The following MEF2A variants were observed in gnomAD, a reference collection of about 807,000 sequenced individuals.
The protein encoded by MEF2A is myocyte enhancer factor 2A, also known as myocyte-specific enhancer factor 2A.
A neutral mutation model predicts 55.8 loss-of-function variants in MEF2A; 28 were observed. The ratio of observed to expected loss-of-function variants is 0.50; its 90% confidence interval spans 0.37 to 0.69. The LOEUF is 0.69. Ranked by LOEUF, MEF2A falls within the 30% of genes least tolerant of loss-of-function variation. The pLI is 0.00. For synonymous variants in MEF2A, 239 were observed against 227.1 expected (o/e 1.05, Z -0.47); for missense variants, 528 against 626.2 (o/e 0.84, Z 1.67).
intron 3 of MEF2A, among the ~76,000 whole-genome samples, chr15:99,641,243 A>C (rs2044864371): frequency 6.6e-6 from 1 of 152,174 alleles, no homozygotes; most frequent in Admixed American, 6.5e-5. Context: ...GCCAGAGGTT[A>C]GTCAGTTTCT....
chr15:99,712,918 TGTGTATGTGTGG>T lies in MEF2A; in HGVS notation c.*152_*163del. ...ACATATATATGTATGTGGGTGTGAG[TGTGTATGTGTGG>T]GTGTGTGTTACATACACAGAATCAG... On this transcript the variant is annotated 3_prime_UTR_variant, in exon 12 of 12. Coordinates refer to ENST00000557942, the MANE Select transcript of MEF2A (RefSeq NM_001319206.4). This position sits in a 1 kb window ranked among gnomAD's most constrained non-coding sequence, Gnocchi z 4.1. The T allele has an allele frequency of 1.1e-6, 1 of 938,292 alleles. No individual in the cohort carries two copies. Among genetic ancestry groups the T allele is most frequent in the Non-Finnish European group, 1.6e-6 (1 of 637,202 alleles). 58.1% of individuals were successfully genotyped at this position (938,292 alleles called of 1,614,324 possible). A position where few individuals can be genotyped will look rare whatever the true frequency, so the allele number is the denominator to read the frequency against.
Position 99,633,043 on chromosome 15 carries a change from T to C in MEF2A, c.-77T>C. On this transcript the variant is annotated 5_prime_UTR_variant, in exon 3 of 12. An upstream start codon of the reference 5' UTR is lost. Transcript: ENST00000557942. Reference sequence around the variant, plus strand: ...CTGAAATAACAGAAGCTGTGTACGATGCATTAGGGTATTGAAGAAAATTAA... The same window carrying C: ...CTGAAATAACAGAAGCTGTGTACGACGCATTAGGGTATTGAAGAAAATTAA... 2 of 1,185,296 alleles carry C rather than the reference T, an allele frequency of 1.7e-6. No homozygotes were observed. The highest frequency in any genetic ancestry group is 1.2e-6 in the Non-Finnish European group (1 of 821,430). 73.4% of individuals were successfully genotyped at this position (1,185,296 alleles called of 1,614,324 possible). A position where few individuals can be genotyped will look rare whatever the true frequency, so the allele number is the denominator to read the frequency against.
intron 1 of MEF2A, among the ~76,000 whole-genome samples, chr15:99,583,984 A>T (rs1417613495): frequency 6.6e-6 from 1 of 152,174 alleles, no homozygotes; most frequent in Non-Finnish European, 1.5e-5. Flanking sequence ...TATTTGGTAT[A>T]GCCTATTGCT....
chr15:99,569,851 T>A (rs1012908283), intron 1 of MEF2A, among the ~76,000 whole-genome samples: 4 of 152,050 alleles, frequency 2.6e-5, no homozygotes, highest in Non-Finnish European at 5.9e-5. Context: ...AATTAATGAT[T>A]TTCTCGTGTA....
chr15:99,634,527 G>A (rs778554682), intron 3 of MEF2A, among the ~76,000 whole-genome samples: 32 of 152,024 alleles, frequency 2.1e-4, no homozygotes, highest in Admixed American at 3.3e-4. Context: ...GGTTTATTGG[G>A]GAATAACATA....
chr15:99,666,265 A>G (rs550260832), intron 4 of MEF2A, among the ~76,000 whole-genome samples: 1 of 152,324 alleles, frequency 6.6e-6, no homozygotes, highest in South Asian at 2.1e-4. Flanking sequence ...CCATAAAAAA[A>G]AGAATGAGTT....
intron 1 of MEF2A, among the ~76,000 whole-genome samples, chr15:99,593,371 T>G (rs534637958): frequency 6.6e-6 from 1 of 152,316 alleles, no homozygotes; most frequent in East Asian, 1.9e-4. Context: ...TTGTCTGATG[T>G]TTTAAAATTG....
intron 10 of MEF2A, among the ~76,000 whole-genome samples, chr15:99,709,837 G>T (rs1343233212): frequency 2.0e-5 from 3 of 152,170 alleles, no homozygotes; most frequent in Non-Finnish European, 4.4e-5. Flanking sequence ...TCATGAAGTT[G>T]AAACTCTTGC....
intron 10 of MEF2A, among the ~76,000 whole-genome samples, chr15:99,710,160 T>C (rs1168060917): frequency 6.6e-6 from 1 of 152,264 alleles, no homozygotes; most frequent in Admixed American, 6.5e-5. Context: ...CCTGTAAATC[T>C]TCCAAGAAAA....
intron 1 of MEF2A, among the ~76,000 whole-genome samples, chr15:99,596,808 A>G (rs550383225): frequency 6.6e-6 from 1 of 152,316 alleles, no homozygotes; most frequent in Admixed American, 6.5e-5. Flanking sequence ...TGTGCACCTA[A>G]TCCATTGAGC....
intron 8 of MEF2A, among the ~76,000 whole-genome samples, chr15:99,702,574 C>T (rs893689855): frequency 6.6e-6 from 1 of 151,866 alleles, no homozygotes; most frequent in Non-Finnish European, 1.5e-5. Flanking sequence ...ATTATAGGCA[C>T]CTGCCACCGC....
At chr15:99,646,884 T>G (rs190552468) in intron 4 of MEF2A, among the ~76,000 whole-genome samples, 198 of 152,266 alleles carry the variant, frequency 1.3e-3, no homozygotes, top group Non-Finnish European at 2.1e-3. Context: ...TTTAGTCATT[T>G]TTTCAAATGA....
chr15:99,699,171 G>T (rs567692179), intron 8 of MEF2A, among the ~76,000 whole-genome samples: 1 of 152,136 alleles, frequency 6.6e-6, no homozygotes, highest in East Asian at 1.9e-4. Context: ...TTTCATAATT[G>T]TGAAACACTG....
intron 2 of MEF2A, among the ~76,000 whole-genome samples, chr15:99,614,775 C>T (rs536760306): frequency 6.6e-6 from 1 of 152,160 alleles, no homozygotes; most frequent in South Asian, 2.1e-4. Context: ...GGGATAAGAG[C>T]TACTGAGAGA....
intron 4 of MEF2A, among the ~76,000 whole-genome samples, chr15:99,669,612 T>C (rs1270950148): frequency 1.3e-5 from 2 of 152,248 alleles, no homozygotes; most frequent in Admixed American, 6.5e-5. Context: ...GTTTGCTATA[T>C]GCACATGCCA....
intron 4 of MEF2A, among the ~76,000 whole-genome samples, chr15:99,661,818 G>A (rs532305027): frequency 1.3e-5 from 2 of 152,066 alleles, no homozygotes; most frequent in Non-Finnish European, 2.9e-5. Flanking sequence ...ACATTATGCA[G>A]TAGACTATCT....
chr15:99,613,365 T>C (rs1359597052), intron 2 of MEF2A, among the ~76,000 whole-genome samples: 4 of 152,134 alleles, frequency 2.6e-5, no homozygotes, highest in Non-Finnish European at 5.9e-5. Context: ...TTGAACTATC[T>C]AGTTATTATT....
intron 2 of MEF2A, among the ~76,000 whole-genome samples, chr15:99,600,799 TTA>T (rs750765170): frequency 3.9e-5 from 6 of 152,196 alleles, no homozygotes; most frequent in Non-Finnish European, 7.4e-5. Context: ...ACTGAAGCTT[TTA>T]TAGTAAATCT....
chr15:99,585,598 A>G (rs944422129), intron 1 of MEF2A, among the ~76,000 whole-genome samples: 18 of 152,216 alleles, frequency 1.2e-4, no homozygotes, highest in African/African-American at 4.3e-4. Flanking sequence ...CGACTTTTCA[A>G]TAAGAATGTC....
Sources: allele counts gnomAD v4.1 joint callset (sites outside exome capture counted in the v4.1 genomes callset), GRCh38; gene constraint gnomAD v4.1.1; non-coding constraint Gnocchi (gnomAD v3.1); transcripts MANE v1.5; gene names NCBI Gene and HGNC (gene_info 2026-07-23, HGNC 2026-07-21).